HEG1: variants seen among roughly 807,000 people sequenced by gnomAD.
HEG1 encodes the protein protein HEG homolog 1.
Under a neutral mutation model 125.6 loss-of-function variants are expected in HEG1, and 56 were observed. The ratio of observed to expected loss-of-function variants is 0.45; its 90% CI spans 0.36 to 0.56. The LOEUF (loss-of-function observed/expected upper bound fraction) is 0.56, where lower values mean the gene tolerates loss of function less well. Among genes scored for constraint, HEG1 ranks in the 20% least tolerant of loss-of-function variants. The pLI is 0.00. For missense variants in HEG1, 1,523 were observed against 1,670.0 expected (o/e 0.91, Z 1.53); for synonymous variants, 644 against 668.5 (o/e 0.96, Z 0.57).
chr3:124,976,541 G>A (rs1482999601), intron 15 of HEG1, among the ~76,000 whole-genome samples: 1 of 150,952 alleles, frequency 6.6e-6, no homozygotes, highest in African/African-American at 2.4e-5. Flanking sequence ...GTGAAGTGGT[G>A]TCTCATGGTG....
intron 1 of HEG1, among the ~76,000 whole-genome samples, chr3:125,036,277 C>T (rs989240863): frequency 7.8e-6 from 1 of 128,642 alleles, no homozygotes; most frequent in Non-Finnish European, 1.6e-5. Flanking sequence ...TGGAATGATA[C>T]AAAATTGTCA....
chr3:125,055,792 C>G lies in HEG1; in HGVS notation c.99G>C (p.Pro33=). ...GCGCGCGGCGAGCCGGGGAAGGCGG[C>G]GGGTCCCGCGTCCCGGGGGCCGCCG... ...LPPAAPGTRD[P]PPSPARRALS... Residue 33 remains proline (P), a synonymous_variant, in exon 1 of 17, where the codon CCG becomes CCC. Transcript: ENST00000311127. The G allele has an allele frequency of 1.0e-6, 1 of 987,702 alleles. No homozygotes were observed. Among genetic ancestry groups the G allele is most frequent in the Non-Finnish European group, 1.2e-6 (1 of 831,816 alleles). The allele number at this position is 987,702 out of a possible 1,614,324, so 61.2% of individuals were successfully genotyped here.
At chr3:125,042,703 G>A (rs760716036) in intron 1 of HEG1, among the ~76,000 whole-genome samples, 1 of 152,214 alleles carries the variant, frequency 6.6e-6, no homozygotes, top group Non-Finnish European at 1.5e-5. Flanking sequence ...GTCCCCTTCA[G>A]ACAGCAGGGG....
At chr3:125,010,271 T>G (rs1486851648) in intron 7 of HEG1, among the ~76,000 whole-genome samples, 168 bp downstream of exon 7, 1 of 152,182 alleles carries the variant, frequency 6.6e-6, no homozygotes, top group Non-Finnish European at 1.5e-5. Flanking sequence ...ACACTACAGT[T>G]CCTGACATTC....
At chr3:125,026,921 A>G (rs562458552) in intron 3 of HEG1, among the ~76,000 whole-genome samples, 1 of 152,210 alleles carries the variant, frequency 6.6e-6, no homozygotes, top group Admixed American at 6.5e-5. Context: ...AATCGCTTGA[A>G]CCTGGGAGGC....
chr3:124,993,606 T>C (rs1936867911), intron 12 of HEG1, among the ~76,000 whole-genome samples: 1 of 152,164 alleles, frequency 6.6e-6, no homozygotes, highest in Non-Finnish European at 1.5e-5. Context: ...CCACCGGAAA[T>C]TGCTTGCTTC....
At chr3:125,040,452 A>C (rs1937584899) in intron 1 of HEG1, among the ~76,000 whole-genome samples, 1 of 152,096 alleles carries the variant, frequency 6.6e-6, no homozygotes, top group South Asian at 2.1e-4. Flanking sequence ...AGAAAGATGA[A>C]GGTCATATTG....
chr3:125,032,335 C>T (rs937989025), intron 1 of HEG1, among the ~76,000 whole-genome samples: 1 of 152,258 alleles, frequency 6.6e-6, no homozygotes, highest in Non-Finnish European at 1.5e-5. Context: ...GAGGGAATCA[C>T]TTCCTCCCCA....
rs765105218 is a variant in HEG1 at position 125,005,290 on chromosome 3, T to G, written c.3272A>C (p.Glu1091Ala). 4 of 1,598,252 alleles carry G rather than the reference T, an allele frequency of 2.5e-6. No individual in the cohort carries two copies. The highest frequency in any genetic ancestry group is 3.4e-6 in the Non-Finnish European group (4 of 1,171,398). ...TTVEKHSDLQEVENEITKTLN... is the reference protein window; with the variant it reads ...TTVEKHSDLQAVENEITKTLN... ...CGTTTTGGTGATCTCATTTTCAACT[T>G]CTTGTAGGTCTGAATGTTTTTCCAC... Residue 1091 changes from glutamate (E) to alanine (A), a missense_variant, in exon 9 of 17, where the codon GAA becomes GCA. Glu to Ala is a moderately radical substitution (Grantham distance 107, BLOSUM62 -1). Transcript: ENST00000311127.
At chr3:125,010,376 G>T (rs559713212) in intron 7 of HEG1, 63 bp downstream of exon 7, 2 of 998,450 alleles carry the variant, frequency 2.0e-6, no homozygotes, top group African/African-American at 1.6e-5. Flanking sequence ...GGAAAAAGGA[G>T]TTTATTGGGT....
At chr3:124,981,995 C>T (rs578026475) in intron 14 of HEG1, among the ~76,000 whole-genome samples, 129 of 152,154 alleles carry the variant, frequency 8.5e-4, no homozygotes, top group African/African-American at 3.0e-3. Context: ...CTCTGCCTCC[C>T]GGGTTCAAGC....
chr3:125,045,725 C>T (rs560418735), intron 1 of HEG1, among the ~76,000 whole-genome samples: 33 of 152,308 alleles, frequency 2.2e-4, no homozygotes, highest in African/African-American at 1.4e-4. Flanking sequence ...AGAGACATAA[C>T]GCCTGATGTG....
chr3:125,055,477 C>G, intron 1 of HEG1, 98 bp downstream of exon 1: 1 of 853,322 alleles, frequency 1.2e-6, no homozygotes, highest in Non-Finnish European at 1.5e-6. Flanking sequence ...CCCTGGGTCG[C>G]GCCGCGCGGA....
chr3:125,034,638 A>G (rs1430435125), intron 1 of HEG1, among the ~76,000 whole-genome samples: 1 of 152,142 alleles, frequency 6.6e-6, no homozygotes, highest in Admixed American at 6.5e-5. Context: ...TCTCTACAAA[A>G]AAATAAACAA....
At chr3:124,975,106 T>C (rs1160474272) in intron 15 of HEG1, among the ~76,000 whole-genome samples, 1 of 152,238 alleles carries the variant, frequency 6.6e-6, no homozygotes, top group Admixed American at 6.5e-5. Flanking sequence ...TGGTTTATCT[T>C]TGATGATTTG....
At position 125,038,023 on chromosome 3, in the gene HEG1, T is replaced by C. The variant is rs560116741; in HGVS notation, c.317-8535A>G. On this transcript the variant is annotated intron_variant, in intron 1 of 16. Transcript: ENST00000311127. ...TACACAGTGAATGCTACATATGTCA[T>C]AGCTATTAAATGGATTTAGGGTTGT... Among the ~76,000 whole-genome samples, 19 of 152,326 alleles carry C rather than the reference T, an allele frequency of 1.2e-4. No individual in the cohort carries two copies. The East Asian group carries it at 3.7e-3, about 29-fold the overall frequency.
chr3:125,019,627 T>C, intron 4 of HEG1, 30 bp from the exon 5 acceptor site: 1 of 1,565,966 alleles, frequency 6.4e-7, no homozygotes, highest in South Asian at 1.1e-5. Flanking sequence ...AAAAAGGCCA[T>C]TACATAGGTA....
At chr3:124,976,312 G>A (rs985239540) in intron 15 of HEG1, among the ~76,000 whole-genome samples, 2 of 152,016 alleles carry the variant, frequency 1.3e-5, no homozygotes, top group African/African-American at 2.4e-5. Flanking sequence ...TCAGCCTCCC[G>A]AGTAGCTGGG....
chr3:125,028,888 T>C (rs1488579302), intron 2 of HEG1, among the ~76,000 whole-genome samples: 1 of 152,198 alleles, frequency 6.6e-6, no homozygotes, highest in African/African-American at 2.4e-5. Context: ...GTCGCAGCTA[T>C]GCATCCCACA....
Sources: gnomAD v4.1 joint callset for allele counts (sites outside exome capture counted in the v4.1 genomes callset) on GRCh38, gnomAD v4.1.1 for gene constraint, MANE v1.5 for transcripts, NCBI Gene and HGNC (gene_info 2026-07-23, HGNC 2026-07-21) for gene names.